Variants in NRXN1 observed in about 807,000 individuals in gnomAD.
NRXN1 encodes neurexin 1.
A neutral mutation model predicts 150.9 loss-of-function variants in NRXN1; 39 were observed. The ratio of observed to expected loss-of-function variants is 0.26; its 90% confidence interval spans 0.20 to 0.34. The LOEUF is 0.34. NRXN1 is among the 10% of genes least tolerant of loss of function. The probability of loss-of-function intolerance (pLI) is 1.00; values close to 1 mark genes in which losing one functional copy is unlikely to be tolerated. For missense variants in NRXN1, 1,815 were observed against 1,949.9 expected (o/e 0.93, Z 1.30); for synonymous variants, 924 against 757.0 (o/e 1.22, Z -3.62).
At chr2:50,948,270 T>A (rs543073801) in intron 2 of NRXN1, among the ~76,000 whole-genome samples, 2 of 152,032 alleles carry the variant, frequency 1.3e-5, no homozygotes, top group African/African-American at 4.8e-5. Context: ...TTATATATTA[T>A]GGCAAAATTA....
At chr2:50,252,246 C>CT (rs1559175117) in intron 17 of NRXN1, among the ~76,000 whole-genome samples, 3 of 54,114 alleles carry the variant, frequency 5.5e-5, no homozygotes, top group Non-Finnish European at 1.1e-4. Flanking sequence ...TTTTTTTTTT[C>CT]TTTTTTCTTT....
chr2:50,443,221 G>T (rs561559718), intron 17 of NRXN1, among the ~76,000 whole-genome samples: 1 of 152,260 alleles, frequency 6.6e-6, no homozygotes, highest in African/African-American at 2.4e-5. Flanking sequence ...TCAAGGGGGG[G>T]AGAGAAATAA....
intron 10 of NRXN1, among the ~76,000 whole-genome samples, chr2:50,537,690 G>C (rs762304170): frequency 1.4e-4 from 21 of 152,250 alleles, no homozygotes; most frequent in Non-Finnish European, 2.6e-4. Context: ...TTTTCTATTA[G>C]GGTACACTTC....
At chr2:50,035,488 T>C (rs1166790518) in intron 21 of NRXN1, among the ~76,000 whole-genome samples, 2 of 152,114 alleles carry the variant, frequency 1.3e-5, no homozygotes, top group Non-Finnish European at 2.9e-5. Flanking sequence ...ATGTGAACAA[T>C]AAAAAGCAAA....
chr2:50,373,590 A>G (rs1340411356), intron 17 of NRXN1, among the ~76,000 whole-genome samples: 1 of 150,220 alleles, frequency 6.7e-6, no homozygotes, highest in Non-Finnish European at 1.5e-5. Flanking sequence ...TTGGAAAGAA[A>G]GAAAGAGAGA....
intron 8 of NRXN1, among the ~76,000 whole-genome samples, chr2:50,567,726 A>C (rs1278350135): frequency 1.3e-5 from 2 of 152,176 alleles, no homozygotes; most frequent in South Asian, 4.1e-4. Context: ...TGTGGGGGTA[A>C]ATTTCATCAT....
At chr2:50,610,642 C>CATATATATATAGATATATATATATAT (rs1677897370) in intron 8 of NRXN1, among the ~76,000 whole-genome samples, 1 of 42,876 alleles carries the variant, frequency 2.3e-5, no homozygotes, top group Non-Finnish European at 4.7e-5. Flanking sequence ...TAAATAGATA[C>CATATATATATAGATATATATATATAT]ATATATATAT....
intron 5 of NRXN1, among the ~76,000 whole-genome samples, chr2:50,886,495 G>A (rs1399256119): frequency 6.6e-6 from 1 of 151,306 alleles, no homozygotes; most frequent in Admixed American, 6.6e-5. Flanking sequence ...AAATTACTAT[G>A]CAAGGAATAA....
intron 18 of NRXN1, among the ~76,000 whole-genome samples, chr2:50,212,488 A>G (rs1305702389): frequency 4.0e-5 from 6 of 151,598 alleles, no homozygotes; most frequent in Admixed American, 4.0e-4. Context: ...TCTCTTCTAT[A>G]CACAGCCTCC....
chr2:50,209,655 G>C (rs2062867003), intron 18 of NRXN1, among the ~76,000 whole-genome samples: 1 of 152,054 alleles, frequency 6.6e-6, no homozygotes, highest in African/African-American at 2.4e-5. Flanking sequence ...ACAACACAGT[G>C]CCTACATTCT....
chr2:49,922,940 T>G (rs1221312525), intron 22 of NRXN1, among the ~76,000 whole-genome samples: 2 of 152,192 alleles, frequency 1.3e-5, no homozygotes, highest in African/African-American at 4.8e-5. Flanking sequence ...AAAATATTCT[T>G]TCTCAGTTTT....
intron 5 of NRXN1, among the ~76,000 whole-genome samples, chr2:50,794,823 AGATATC>A (rs1706569073): frequency 6.6e-6 from 1 of 152,154 alleles, no homozygotes; most frequent in East Asian, 1.9e-4. Flanking sequence ...CAAAAGCTTA[AGATATC>A]TTTTTGAAAC....
intron 5 of NRXN1, among the ~76,000 whole-genome samples, chr2:50,882,515 A>C (rs547046222): frequency 5.3e-5 from 8 of 151,860 alleles, no homozygotes; most frequent in Non-Finnish European, 1.0e-4. Flanking sequence ...CATGTTTATC[A>C]GGCTTCAGTG....
At chr2:50,417,521 G>T (rs2083631312) in intron 17 of NRXN1, among the ~76,000 whole-genome samples, 1 of 151,834 alleles carries the variant, frequency 6.6e-6, no homozygotes, top group Admixed American at 6.6e-5. Flanking sequence ...TAGGTATTCT[G>T]CTGTATCCCT....
At chr2:50,952,207 C>A (rs1053552808) in intron 2 of NRXN1, among the ~76,000 whole-genome samples, 6 of 151,420 alleles carry the variant, frequency 4.0e-5, no homozygotes, top group Non-Finnish European at 7.4e-5. Context: ...ACCTCGTGAT[C>A]CGCCCGCCTC....
chr2:50,507,043 T>C (rs1278386047), intron 12 of NRXN1: 1 of 160,686 alleles, frequency 6.2e-6, no homozygotes, highest in African/African-American at 2.4e-5. Context: ...CTAGCCATCA[T>C]GTAACCTCTG....
chr2:50,073,701 T>C (rs180751143), intron 19 of NRXN1, among the ~76,000 whole-genome samples: 2 of 152,248 alleles, frequency 1.3e-5, no homozygotes, highest in Admixed American at 6.5e-5. Context: ...TAATCATTTG[T>C]AGAGATAGTC....
intron 18 of NRXN1, among the ~76,000 whole-genome samples, chr2:50,188,343 C>T (rs1487004070): frequency 6.6e-6 from 1 of 152,172 alleles, no homozygotes; most frequent in Middle Eastern, 3.4e-3. Context: ...AAACTGGATC[C>T]CTTCCTTATA....
At chr2:50,838,824 C>G (rs1052007111) in intron 5 of NRXN1, among the ~76,000 whole-genome samples, 2 of 152,112 alleles carry the variant, frequency 1.3e-5, no homozygotes, top group Non-Finnish European at 2.9e-5. Flanking sequence ...AGACGTCTAT[C>G]CTCCAGAACC....
Sources: allele counts gnomAD v4.1 joint callset (sites outside exome capture counted in the v4.1 genomes callset), GRCh38; gene constraint gnomAD v4.1.1; transcripts MANE v1.5; gene names NCBI Gene and HGNC (gene_info 2026-07-23, HGNC 2026-07-21).